The following SMOC1 variants were observed in gnomAD, a reference collection of about 807,000 sequenced individuals.
The protein encoded by SMOC1 is SPARC related modular calcium binding 1.
Under a neutral mutation model 56.3 loss-of-function variants are expected in SMOC1, and 22 were observed. The ratio of observed to expected loss-of-function variants is 0.39; its 90% CI spans 0.28 to 0.56. SMOC1 has a LOEUF of 0.56. Ranked by LOEUF, SMOC1 falls within the 20% of genes least tolerant of loss-of-function variation. The pLI, the probability that SMOC1 is intolerant of heterozygous loss-of-function variation, is 0.61. For missense variants in SMOC1, 509 were observed against 565.4 expected (o/e 0.90, Z 1.01); for synonymous variants, 193 against 215.0 (o/e 0.90, Z 0.89).
At chr14:70,003,356 T>TC (rs566206167) in intron 7 of SMOC1, among the ~76,000 whole-genome samples, 143 of 152,252 alleles carry the variant, frequency 9.4e-4, no homozygotes, top group African/African-American at 3.2e-3. Context: ...AATTGATTTT[T>TC]CCCCCAAGAA....
chr14:69,932,448 A>C, intron 1 of SMOC1, among the ~76,000 whole-genome samples: 1 of 152,152 alleles, frequency 6.6e-6, no homozygotes, highest in African/African-American at 2.4e-5. Flanking sequence ...GCTGAGTGAA[A>C]GGAGTGGTAG....
At chr14:69,947,916 A>G (rs1882849814) in intron 1 of SMOC1, among the ~76,000 whole-genome samples, 1 of 152,146 alleles carries the variant, frequency 6.6e-6, no homozygotes, top group African/African-American at 2.4e-5. Context: ...CAGAGTCTCT[A>G]GGATTAAGTC....
intron 10 of SMOC1, among the ~76,000 whole-genome samples, chr14:70,019,212 C>T (rs939760502): frequency 6.6e-6 from 1 of 152,214 alleles, no homozygotes; most frequent in African/African-American, 2.4e-5. Flanking sequence ...AGTGGGTTTC[C>T]TCATCCCTGG....
intron 1 of SMOC1, among the ~76,000 whole-genome samples, chr14:69,902,601 C>CTCTCCCTCTCCCTCTCCCCACGG (rs1188757166): frequency 6.6e-6 from 1 of 152,078 alleles, no homozygotes; most frequent in African/African-American, 2.4e-5. Context: ...CCATCTAGCC[C>CTCTCCCTCTCCCTCTCCCCACGG]TCTCCCTCTC....
At chr14:69,923,130 A>T (rs975390746) in intron 1 of SMOC1, among the ~76,000 whole-genome samples, 4 of 151,862 alleles carry the variant, frequency 2.6e-5, no homozygotes, top group Admixed American at 2.0e-4. Context: ...ATTTTTTAGT[A>T]GAGACGGGGT....
intron 2 of SMOC1, 24 bp downstream of exon 2, chr14:69,952,327 G>A (rs1316102900): frequency 6.2e-7 from 1 of 1,613,124 alleles, no homozygotes. Context: ...CCCCTGCCCA[G>A]CCAAGGAGAG....
chr14:70,020,994 G>A (rs1885701685), intron 10 of SMOC1, among the ~76,000 whole-genome samples: 1 of 152,188 alleles, frequency 6.6e-6, no homozygotes, highest in Admixed American at 6.5e-5. Flanking sequence ...GCCTCTGGGT[G>A]GGATGACCTC....
intron 10 of SMOC1, among the ~76,000 whole-genome samples, chr14:70,013,858 C>A (rs1476272601): frequency 6.6e-6 from 1 of 152,176 alleles, no homozygotes; most frequent in African/African-American, 2.4e-5. Flanking sequence ...AGAGAGGGAG[C>A]ACAAAGCACT....
intron 7 of SMOC1, among the ~76,000 whole-genome samples, chr14:70,001,225 G>A (rs12050089): frequency 0.26 from 39,554 of 151,920 alleles, 6,213 homozygotes; most frequent in East Asian, 0.4. Context: ...TAGCATTGCC[G>A]CTTAGTTTTA....
Position 70,019,336 on chromosome 14 carries a change from A to C in SMOC1, c.1047-3867A>C, listed in dbSNP as rs146392876. On this transcript the variant is annotated intron_variant, in intron 10 of 11. Coordinates refer to ENST00000361956, the MANE Select transcript of SMOC1 (RefSeq NM_001034852.3). Reference sequence around the variant, plus strand: ...CTTCTAAAATCTGGAATCTGGTATCATTTGGGTGTGTCTTTTCATACCATA... The same window carrying C: ...CTTCTAAAATCTGGAATCTGGTATCCTTTGGGTGTGTCTTTTCATACCATA... Among the ~76,000 whole-genome samples, 14 of 152,334 alleles carry C rather than the reference A, an allele frequency of 9.2e-5. No homozygotes were observed. In the East Asian group the frequency reaches 2.7e-3, roughly 29 times the overall value.
At chr14:69,924,329 C>A (rs541320629) in intron 1 of SMOC1, among the ~76,000 whole-genome samples, 1 of 152,206 alleles carries the variant, frequency 6.6e-6, no homozygotes, top group African/African-American at 2.4e-5. Context: ...TTAACATATG[C>A]GTGACCTCAT....
At chr14:70,030,195 C>A in intron 11 of SMOC1, 47 bp from the exon 12 acceptor site, 2 of 1,601,280 alleles carry the variant, frequency 1.2e-6, no homozygotes, top group Non-Finnish European at 8.5e-7. Flanking sequence ...TTATATCTGC[C>A]CCCGACCTTT....
intron 1 of SMOC1, among the ~76,000 whole-genome samples, chr14:69,895,328 G>A (rs1233975767): frequency 1.3e-5 from 2 of 152,228 alleles, no homozygotes; most frequent in Non-Finnish European, 2.9e-5. Flanking sequence ...AGAGCTGATA[G>A]AACAAGTAGC....
chr14:69,880,577 C>G (rs982429719), intron 1 of SMOC1, among the ~76,000 whole-genome samples: 2 of 151,844 alleles, frequency 1.3e-5, no homozygotes, highest in Non-Finnish European at 2.9e-5. Context: ...CCCCGCAACA[C>G]CCCCCACCAA....
chr14:69,946,874 T>C (rs891065063), intron 1 of SMOC1, among the ~76,000 whole-genome samples: 4 of 152,156 alleles, frequency 2.6e-5, no homozygotes, highest in Non-Finnish European at 5.9e-5. Context: ...GTACTTGTGA[T>C]ATCTGGTTAA....
intron 1 of SMOC1, among the ~76,000 whole-genome samples, chr14:69,906,001 C>G (rs1374469719): frequency 6.7e-6 from 1 of 150,080 alleles, no homozygotes; most frequent in Non-Finnish European, 1.5e-5. Flanking sequence ...TAAAATTGAC[C>G]AGGGAAAAGT....
intron 1 of SMOC1, among the ~76,000 whole-genome samples, chr14:69,934,402 C>T (rs1334428063): frequency 1.3e-5 from 2 of 152,134 alleles, no homozygotes; most frequent in Admixed American, 6.5e-5. Context: ...AATAGAATGG[C>T]ATTGATTCTG....
intron 1 of SMOC1, among the ~76,000 whole-genome samples, chr14:69,927,947 T>A (rs1885053994): frequency 6.6e-6 from 1 of 152,014 alleles, no homozygotes; most frequent in Non-Finnish European, 1.5e-5. Context: ...TGAGGAAGAA[T>A]AAACAGAGGG....
chr14:69,959,665 T>C (rs567105414), intron 3 of SMOC1, among the ~76,000 whole-genome samples: 1 of 151,950 alleles, frequency 6.6e-6, no homozygotes, highest in South Asian at 2.1e-4. Flanking sequence ...CCTGAGGTCA[T>C]TGCATATAGG....
Sources: gnomAD v4.1 joint callset for allele counts (sites outside exome capture counted in the v4.1 genomes callset) on GRCh38, gnomAD v4.1.1 for gene constraint, MANE v1.5 for transcripts, NCBI Gene and HGNC (gene_info 2026-07-23, HGNC 2026-07-21) for gene names.